The following ZNF365 variants were observed in gnomAD, a reference collection of about 807,000 sequenced individuals.
ZNF365 encodes the protein protein ZNF365.
Under a neutral mutation model 35.0 loss-of-function variants are expected in ZNF365, and 22 were observed. The observed-to-expected ratio is 0.63, with a 90% CI of 0.45 to 0.90. ZNF365 has a LOEUF of 0.90. ZNF365 is among the 40% of genes least tolerant of loss of function. The pLI is 0.00. For missense variants in ZNF365, 448 were observed against 500.3 expected, an observed-to-expected ratio of 0.90 and a Z score of 1.00; for synonymous variants, 188 against 196.2, an observed-to-expected ratio of 0.96 and a Z score of 0.35.
At chr10:62,379,642 C>A (rs1428361994) in intron 2 of ZNF365, among the ~76,000 whole-genome samples, 1 of 152,178 alleles carries the variant, frequency 6.6e-6, no homozygotes, top group Non-Finnish European at 1.5e-5. Context: ...GCCTCCCCAC[C>A]CCCGCACCCC....
intron 3 of ZNF365, among the ~76,000 whole-genome samples, chr10:62,392,436 C>T (rs1011355662): frequency 1.3e-5 from 2 of 152,128 alleles, no homozygotes; most frequent in African/African-American, 4.8e-5. Context: ...GATGAAGATC[C>T]AGTTTCATTC....
At chr10:62,445,236 A>G (rs1840566937) in intron 3 of ZNF365, among the ~76,000 whole-genome samples, 1 of 151,182 alleles carries the variant, frequency 6.6e-6, no homozygotes, top group African/African-American at 2.4e-5. Flanking sequence ...CAATAAACAT[A>G]CATGTGCATG....
chr10:62,463,086 A>T (rs1840874682), intron 4 of ZNF365, among the ~76,000 whole-genome samples: 1 of 152,242 alleles, frequency 6.6e-6, no homozygotes, highest in Non-Finnish European at 1.5e-5. Flanking sequence ...GGGTTAAAAA[A>T]CAAACATCAA....
chr10:62,375,877 T>A, intron 1 of ZNF365: 1 of 247,282 alleles, frequency 4.0e-6, no homozygotes, highest in Admixed American at 5.5e-5. Context: ...GTTGGCAAAC[T>A]TTTTCTGTAA....
intron 3 of ZNF365, among the ~76,000 whole-genome samples, chr10:62,447,505 T>C (rs910419119): frequency 6.6e-6 from 1 of 152,200 alleles, no homozygotes; most frequent in African/African-American, 2.4e-5. Context: ...CCTTGTGGCA[T>C]GTATTTAAAA....
chr10:62,390,092 ATG>A (rs1031105012), intron 3 of ZNF365, among the ~76,000 whole-genome samples: 6 of 152,030 alleles, frequency 3.9e-5, no homozygotes, highest in East Asian at 3.9e-4. Flanking sequence ...TGGTGCCCAG[ATG>A]TGAGGTGAAA....
At chr10:62,436,790 C>A (rs540729210) in intron 3 of ZNF365, among the ~76,000 whole-genome samples, 1 of 152,226 alleles carries the variant, frequency 6.6e-6, no homozygotes, top group Admixed American at 6.5e-5. Flanking sequence ...AACATTGTGC[C>A]AGGAATTTAA....
Position 62,401,184 on chromosome 10 carries a change from A to C in ZNF365, c.*1395A>C. On this transcript the variant is annotated 3_prime_UTR_variant, in exon 5 of 5. Coordinates refer to ENST00000395254, the MANE Select transcript of ZNF365 (RefSeq NM_014951.3). ...AATATATATGTTAAGTATATTAATA[A>C]TTTATTTTTAAATACTCATGGAGAA... is the stretch of plus-strand genomic sequence containing the variant. The C allele has an allele frequency of 1.0e-6, 1 of 974,444 alleles. No individual in the cohort carries two copies. The highest frequency in any genetic ancestry group is 1.2e-6 in the Non-Finnish European group (1 of 820,058). The allele number at this position is 974,444 out of a possible 1,614,324, so 60.4% of individuals were successfully genotyped here.
At chr10:62,381,361 A>G (rs1264840462) in intron 2 of ZNF365, among the ~76,000 whole-genome samples, 1 of 152,198 alleles carries the variant, frequency 6.6e-6, no homozygotes, top group African/African-American at 2.4e-5. Context: ...GGCCTAGAGC[A>G]GGGGAATGAC....
At chr10:62,476,584 C>T (rs891460437) in intron 4 of ZNF365, among the ~76,000 whole-genome samples, 2 of 152,130 alleles carry the variant, frequency 1.3e-5, no homozygotes, top group African/African-American at 2.4e-5. Flanking sequence ...CCACCTGATG[C>T]CAAAGAAGCT....
chr10:62,477,207 G>T (rs1353845418), intron 4 of ZNF365, among the ~76,000 whole-genome samples: 1 of 152,134 alleles, frequency 6.6e-6, no homozygotes, highest in Non-Finnish European at 1.5e-5. Context: ...TAATGAATGT[G>T]GCTGGGGTAG....
chr10:62,461,098 T>C (rs1266214245), intron 4 of ZNF365, among the ~76,000 whole-genome samples: 1 of 152,204 alleles, frequency 6.6e-6, no homozygotes, highest in Non-Finnish European at 1.5e-5. Context: ...CCAAGCTTCC[T>C]CTCAAACGCA....
intron 4 of ZNF365, among the ~76,000 whole-genome samples, chr10:62,462,808 A>G (rs1207058963): frequency 1.3e-5 from 2 of 152,192 alleles, no homozygotes; most frequent in Non-Finnish European, 2.9e-5. Context: ...TCTTGAACAC[A>G]TGAATTTATA....
intron 4 of ZNF365, among the ~76,000 whole-genome samples, chr10:62,471,278 ATGG>A (rs745849453): frequency 2.8e-4 from 42 of 151,074 alleles, no homozygotes; most frequent in Non-Finnish European, 5.6e-4. Flanking sequence ...AGGCAGAAGA[ATGG>A]TGTGAACCCG....
intron 4 of ZNF365, among the ~76,000 whole-genome samples, chr10:62,470,778 T>TTG (rs201597265): frequency 8.6e-5 from 13 of 151,818 alleles, no homozygotes; most frequent in Middle Eastern, 6.8e-3. Flanking sequence ...TAAAATTAGC[T>TTG]TGTGTGTGTG....
Position 62,399,661 on chromosome 10 carries a change from C to G in ZNF365, c.1096C>G (p.Gln366Glu). 2.5e-6 allele frequency: 4 copies of G among 1,614,156 alleles called. No individual in the cohort carries two copies. The highest frequency in any genetic ancestry group is 3.4e-6 in the Non-Finnish European group (4 of 1,180,036). The change falls in exon 5 of 5, where the codon CAG (glutamine) becomes GAG (glutamate). Residue 366 changes from glutamine to glutamate, a missense_variant. Transcript: ENST00000395254. ...GCAGCCTGCCAAGGCCATTCACGAA[C>G]AGGCTGAGTCCTCAAGAGACCTCTG... ...SMQPAKAIHE[Q>E]AESSRDLCRP...
intron 3 of ZNF365, among the ~76,000 whole-genome samples, chr10:62,424,007 T>C (rs192901620): frequency 2.3e-3 from 356 of 152,296 alleles, no homozygotes; most frequent in African/African-American, 8.2e-3. Flanking sequence ...GTAAACAAGA[T>C]AAGGGCTCGA....
At chr10:62,392,311 C>A (rs371887384) in intron 3 of ZNF365, among the ~76,000 whole-genome samples, 4 of 152,100 alleles carry the variant, frequency 2.6e-5, no homozygotes, top group Non-Finnish European at 4.4e-5. Context: ...GAAGTCTTTG[C>A]CTAAGCCATT....
At chr10:62,422,420 A>G (rs1461665197) in intron 3 of ZNF365, among the ~76,000 whole-genome samples, 1 of 152,132 alleles carries the variant, frequency 6.6e-6, no homozygotes, top group African/African-American at 2.4e-5. Flanking sequence ...TTACCAGATG[A>G]CAACCAGTAA....
Sources: allele counts gnomAD v4.1 joint callset (sites outside exome capture counted in the v4.1 genomes callset), GRCh38; gene constraint gnomAD v4.1.1; transcripts MANE v1.5; gene names NCBI Gene and HGNC (gene_info 2026-07-23, HGNC 2026-07-21).